The following TACR3 variants were observed in gnomAD, a reference collection of about 807,000 sequenced individuals.
TACR3 encodes the protein tachykinin receptor 3.
TACR3 carries 34 observed loss-of-function variants against 35.0 expected under a neutral mutation model. The ratio of observed to expected loss-of-function variants is 0.97; its 90% confidence interval spans 0.74 to 1.30. The LOEUF is 1.30. TACR3 is among the 50% of genes most tolerant of loss of function. The pLI is 0.00. For missense variants in TACR3, 558 were observed against 591.7 expected, an observed-to-expected ratio of 0.94 and a Z score of 0.59; for synonymous variants, 233 against 221.1, an observed-to-expected ratio of 1.05 and a Z score of -0.48.
rs750673174 is a variant in TACR3 at position 103,706,416 on chromosome 4, G to C, written c.548+12712C>G. Among the ~76,000 whole-genome samples, 47 of 152,092 alleles carry C rather than the reference G, an allele frequency of 3.1e-4. 1 individual carries two copies. The highest frequency in any genetic ancestry group is 8.8e-5 in the Non-Finnish European group (6 of 68,026). On this transcript the variant is annotated intron_variant, in intron 1 of 4. Coordinates refer to ENST00000304883, the MANE Select transcript of TACR3 (RefSeq NM_001059.3). ...CAAGTCTGTATATCCTGATGCTAAA[G>C]TATATCTAAGATCTATAATTTGTCA... is the stretch of plus-strand genomic sequence containing the variant.
intron 1 of TACR3, among the ~76,000 whole-genome samples, chr4:103,700,934 C>T (rs1209238103): frequency 1.3e-5 from 2 of 152,132 alleles, no homozygotes; most frequent in Non-Finnish European, 2.9e-5. Context: ...AAACCCACAG[C>T]CAATATCATA....
chr4:103,600,098 G>T lies in TACR3; in HGVS notation c.889-8415C>A, dbSNP rs572470494. Among the ~76,000 whole-genome samples, 61 of 151,932 alleles carry T rather than the reference G, an allele frequency of 4.0e-4. 1 individual carries two copies. The highest frequency in any genetic ancestry group is 7.7e-4 in the Non-Finnish European group (52 of 67,916). ...TCCATCTGGTCCTGGACTTTTTTTG[G>T]TTGGTAAGCTATTGATTATTACCTC... On this transcript the variant is annotated intron_variant, in intron 3 of 4. Transcript: ENST00000304883.
intron 1 of TACR3, among the ~76,000 whole-genome samples, chr4:103,677,435 A>C (rs1726193213): frequency 6.6e-6 from 1 of 152,154 alleles, no homozygotes; most frequent in African/African-American, 2.4e-5. Context: ...ACTATTCACA[A>C]AAACAAAGAC....
intron 3 of TACR3, among the ~76,000 whole-genome samples, chr4:103,619,071 T>C (rs1724722006): frequency 6.6e-6 from 1 of 152,092 alleles, no homozygotes; most frequent in Admixed American, 6.5e-5. Flanking sequence ...CCTATTTGGA[T>C]GCTTTTCATT....
intron 1 of TACR3, among the ~76,000 whole-genome samples, chr4:103,665,269 A>G (rs1432258631): frequency 1.3e-5 from 2 of 151,982 alleles, no homozygotes; most frequent in Non-Finnish European, 2.9e-5. Context: ...TCATATATGT[A>G]TATATGACTA....
chr4:103,687,824 A>T (rs1419521996), intron 1 of TACR3, among the ~76,000 whole-genome samples: 3 of 152,180 alleles, frequency 2.0e-5, no homozygotes, highest in Non-Finnish European at 4.4e-5. Flanking sequence ...CATACTGCCC[A>T]AGGTAATTTA....
At chr4:103,683,494 A>AAAAAAAG (rs1722150904) in intron 1 of TACR3, among the ~76,000 whole-genome samples, 1 of 132,714 alleles carries the variant, frequency 7.5e-6, no homozygotes, top group African/African-American at 3.5e-5. Context: ...AAAAAAAAAA[A>AAAAAAAG]AGAGAGAGAG....
intron 1 of TACR3, among the ~76,000 whole-genome samples, chr4:103,684,987 T>TTAAATAAATAAATAAA (rs146299787): frequency 2.1e-5 from 3 of 142,096 alleles, no homozygotes; most frequent in Admixed American, 7.2e-5. Context: ...CATCTCAAAA[T>TTAAATAAATAAATAAA]TAAATAAATA....
intron 1 of TACR3, among the ~76,000 whole-genome samples, chr4:103,675,081 T>C (rs1482768123): frequency 6.6e-6 from 1 of 152,222 alleles, no homozygotes; most frequent in East Asian, 1.9e-4. Context: ...ATTATTCATA[T>C]GGACATAAGA....
intron 1 of TACR3, among the ~76,000 whole-genome samples, chr4:103,689,771 AT>A (rs1722358908): frequency 6.6e-6 from 1 of 152,122 alleles, no homozygotes; most frequent in African/African-American, 2.4e-5. Context: ...GGGAACAAAA[AT>A]ATTTTTAGAA....
At chr4:103,710,333 A>G (rs565909052) in intron 1 of TACR3, among the ~76,000 whole-genome samples, 1 of 152,346 alleles carries the variant, frequency 6.6e-6, no homozygotes, top group Admixed American at 6.5e-5. Context: ...TAATCAAAAT[A>G]GAACTCAGGA....
At chr4:103,702,601 T>C (rs992340031) in intron 1 of TACR3, among the ~76,000 whole-genome samples, 1 of 152,004 alleles carries the variant, frequency 6.6e-6, no homozygotes, top group Non-Finnish European at 1.5e-5. Flanking sequence ...CACATGCACA[T>C]GTATGTTTAT....
At chr4:103,652,675 T>C (rs1460120832) in intron 3 of TACR3, among the ~76,000 whole-genome samples, 2 of 152,000 alleles carry the variant, frequency 1.3e-5, no homozygotes, top group Non-Finnish European at 2.9e-5. Flanking sequence ...TGTAGTCTCT[T>C]ATTATTAAGA....
At chr4:103,603,138 T>C (rs1043499088) in intron 3 of TACR3, among the ~76,000 whole-genome samples, 1 of 152,210 alleles carries the variant, frequency 6.6e-6, no homozygotes, top group African/African-American at 2.4e-5. Context: ...TGCAGTTTGA[T>C]CTCGGACTGC....
intron 3 of TACR3, among the ~76,000 whole-genome samples, chr4:103,614,884 G>GTTTGTTTTTTTTTTT (rs1724601485): frequency 1.4e-5 from 1 of 72,006 alleles, no homozygotes; most frequent in African/African-American, 6.0e-5. Flanking sequence ...TTATGAATGT[G>GTTTGTTTTTTTTTTT]TTTTTTTTTT....
At chr4:103,701,338 A>G (rs113806465) in intron 1 of TACR3, among the ~76,000 whole-genome samples, 17,767 of 151,548 alleles carry the variant, frequency 0.12, 1,376 homozygotes, top group East Asian at 0.43. Context: ...AATCCAACTT[A>G]CAAGGGACGT....
At chr4:103,679,730 A>T (rs970483474) in intron 1 of TACR3, among the ~76,000 whole-genome samples, 1 of 151,962 alleles carries the variant, frequency 6.6e-6, no homozygotes, top group African/African-American at 2.4e-5. Flanking sequence ...ATGTAATAAC[A>T]TTCCATAATA....
intron 3 of TACR3, among the ~76,000 whole-genome samples, chr4:103,652,327 G>A (rs986689111): frequency 6.6e-6 from 1 of 152,100 alleles, no homozygotes; most frequent in Non-Finnish European, 1.5e-5. Flanking sequence ...TCTATGCACA[G>A]GCATCAGCTA....
intron 1 of TACR3, among the ~76,000 whole-genome samples, chr4:103,692,597 T>C (rs976899190): frequency 6.6e-6 from 1 of 152,178 alleles, no homozygotes; most frequent in African/African-American, 2.4e-5. Flanking sequence ...TTCATCACCA[T>C]CACGTCAGAT....
Sources: gnomAD v4.1 joint callset for allele counts (sites outside exome capture counted in the v4.1 genomes callset) on GRCh38, gnomAD v4.1.1 for gene constraint, MANE v1.5 for transcripts, NCBI Gene and HGNC (gene_info 2026-07-23, HGNC 2026-07-21) for gene names.